C16orf74: variants seen among roughly 807,000 people sequenced by gnomAD.
C16orf74 encodes calcimembrin.
A neutral mutation model predicts 6.5 loss-of-function variants in C16orf74; 10 were observed. That is an observed-to-expected ratio of 1.54 (90% confidence interval 0.95 to 2.61). C16orf74 has a LOEUF of 2.61. Among genes scored for constraint, C16orf74 ranks in the 30% most tolerant of loss-of-function variants. The pLI is 0.00. For synonymous variants in C16orf74, 60 were observed against 42.5 expected (o/e 1.41, Z -1.60); for missense variants, 141 against 105.9 (o/e 1.33, Z -1.45).
intron 2 of C16orf74, among the ~76,000 whole-genome samples, chr16:85,718,760 T>C (rs940134070): frequency 7.2e-5 from 11 of 152,246 alleles, no homozygotes; most frequent in African/African-American, 2.7e-4. Context: ...GTCATTCAGA[T>C]CACGAGTTGA....
intron 1 of C16orf74, among the ~76,000 whole-genome samples, chr16:85,749,902 A>G (rs946070109): frequency 6.6e-6 from 1 of 152,164 alleles, no homozygotes; most frequent in Admixed American, 6.5e-5. Flanking sequence ...TGTTTCCATA[A>G]ATACACGGCC....
At chr16:85,731,228 G>A (rs1490050089) in intron 2 of C16orf74, among the ~76,000 whole-genome samples, 1 of 152,226 alleles carries the variant, frequency 6.6e-6, no homozygotes, top group African/African-American at 2.4e-5. Context: ...CCCTAAGGCA[G>A]GAACCACTGT....
chr16:85,723,089 T>C (rs576807267), intron 2 of C16orf74, among the ~76,000 whole-genome samples: 5 of 151,202 alleles, frequency 3.3e-5, no homozygotes, highest in Admixed American at 2.0e-4. Context: ...TGAAACCCTG[T>C]TTCTACTAAA....
At chr16:85,726,879 C>T (rs1355988080) in intron 2 of C16orf74, among the ~76,000 whole-genome samples, 4 of 152,186 alleles carry the variant, frequency 2.6e-5, no homozygotes, top group African/African-American at 9.7e-5. Context: ...CAGCCCGTGC[C>T]CATGAGTTTC....
rs767451411 is a variant in C16orf74, at chr16:85,735,226, C to A, written c.-9G>T. 6.3e-7 allele frequency: 1 copy of A among 1,594,936 alleles called. No individual in the cohort carries two copies. The highest frequency in any genetic ancestry group is 8.5e-7 in the Non-Finnish European group (1 of 1,170,592). ...GACATCTTAAGCCCCATGTCGGCAC[C>A]TCTGCAGGCCTGTGGAGAGAGGACA... On this transcript the variant is annotated 5_prime_UTR_variant, in exon 2 of 4. It adds an upstream start codon to the 5' untranslated region. Transcript: ENST00000284245.
rs910840864 is a variant in C16orf74 at position 85,735,125 on chromosome 16, C to T, written c.28+65G>A. ...GCAGAGGGCTTCAACTCCCCTCTCT[C>T]CTGCCCCCCAACCCAGCACCCCCTC... On this transcript the variant is annotated intron_variant, in intron 2 of 3. Coordinates refer to ENST00000284245, the MANE Select transcript of C16orf74 (RefSeq NM_206967.3). The T allele has an allele frequency of 3.0e-5, 44 of 1,486,484 alleles. 1 individual carries two copies. Among genetic ancestry groups the T allele is most frequent in the Non-Finnish European group, 3.8e-5 (41 of 1,084,006 alleles). The allele number at this position is 1,486,484 out of a possible 1,614,324, so 92.1% of individuals were successfully genotyped here. A position where few individuals can be genotyped will look rare whatever the true frequency, so the allele number is the denominator to read the frequency against.
At chr16:85,712,193 CCA>C (rs926586715) in intron 2 of C16orf74, among the ~76,000 whole-genome samples, 8 of 152,214 alleles carry the variant, frequency 5.3e-5, no homozygotes, top group African/African-American at 1.9e-4. Flanking sequence ...GCCTCCAGCC[CCA>C]GTCCAGCCAT....
chr16:85,734,516 G>C (rs1049509391), intron 2 of C16orf74, among the ~76,000 whole-genome samples: 1 of 152,204 alleles, frequency 6.6e-6, no homozygotes, highest in Non-Finnish European at 1.5e-5. Flanking sequence ...GGGACACCTG[G>C]AGCCAGAGGC....
chr16:85,713,201 T>A (rs954940617), intron 2 of C16orf74, among the ~76,000 whole-genome samples: 2 of 152,132 alleles, frequency 1.3e-5, no homozygotes, highest in African/African-American at 4.8e-5. Flanking sequence ...CCTAGGCTCG[T>A]AGAAGCCTCA....
chr16:85,715,767 A>G (rs622780), intron 2 of C16orf74, among the ~76,000 whole-genome samples: 150,701 of 152,278 alleles, frequency 0.99, 74,590 homozygotes, highest in East Asian at 1. Flanking sequence ...AGGGGAGCTG[A>G]GATCTAGGAC....
chr16:85,739,557 T>C (rs1197035318), intron 1 of C16orf74, among the ~76,000 whole-genome samples: 2 of 152,154 alleles, frequency 1.3e-5, no homozygotes, highest in African/African-American at 2.4e-5. Flanking sequence ...GACTGGGAGA[T>C]AGGAGAGCAT....
chr16:85,749,197 G>T (rs1038601865), intron 1 of C16orf74, among the ~76,000 whole-genome samples: 3 of 152,124 alleles, frequency 2.0e-5, no homozygotes, highest in South Asian at 4.1e-4. Flanking sequence ...CAGGGTTCCA[G>T]GCCTGGCCTT....
intron 2 of C16orf74, among the ~76,000 whole-genome samples, chr16:85,734,803 G>A (rs566199683): frequency 3.1e-4 from 47 of 152,256 alleles, no homozygotes; most frequent in Middle Eastern, 3.4e-3. Context: ...CCTACCACCT[G>A]GACGCTGGAC....
chr16:85,716,176 T>C (rs1398090142), intron 2 of C16orf74, among the ~76,000 whole-genome samples: 1 of 151,488 alleles, frequency 6.6e-6, no homozygotes, highest in East Asian at 2.0e-4. Context: ...GGACAAAACC[T>C]ACACATATAA....
chr16:85,736,153 A>G (rs1230794215), intron 1 of C16orf74, among the ~76,000 whole-genome samples: 1 of 152,146 alleles, frequency 6.6e-6, no homozygotes, highest in Non-Finnish European at 1.5e-5. Context: ...AGGCAGGAAC[A>G]GGTGGGGAGA....
At chr16:85,725,121 C>T (rs2152061399) in intron 2 of C16orf74, among the ~76,000 whole-genome samples, 1 of 152,334 alleles carries the variant, frequency 6.6e-6, no homozygotes, top group East Asian at 1.9e-4. Flanking sequence ...CCGCTCTGCC[C>T]TGGGCAGGGG....
chr16:85,709,796 G>T (rs565871263), intron 3 of C16orf74, among the ~76,000 whole-genome samples: 38 of 152,178 alleles, frequency 2.5e-4, no homozygotes, highest in African/African-American at 7.7e-4. Flanking sequence ...TGTCCTGTCC[G>T]GCCAAACTGC....
In C16orf74 at chr16:85,739,066, C is replaced by T. The variant is rs139783454; in HGVS notation, c.-18-3831G>A. 6.2e-4 allele frequency among the ~76,000 whole-genome samples: 94 copies of T among 152,290 alleles called. 3 individuals carry two copies. The East Asian group carries it at 0.017, about 28-fold the overall frequency. ...CAGAGCTTCCAGGAACAGGGGAGGG[C>T]GGAGCAGACCTCATCTCCATCCCTC... On this transcript the variant is annotated intron_variant, in intron 1 of 3. Coordinates refer to ENST00000284245, the MANE Select transcript of C16orf74 (RefSeq NM_206967.3).
intron 1 of C16orf74, among the ~76,000 whole-genome samples, chr16:85,743,030 C>G (rs188282476): frequency 6.6e-6 from 1 of 152,178 alleles, no homozygotes; most frequent in Non-Finnish European, 1.5e-5. Context: ...CCAGGGCACC[C>G]CCACTACGTG....
Sources: allele counts gnomAD v4.1 joint callset (sites outside exome capture counted in the v4.1 genomes callset), GRCh38; gene constraint gnomAD v4.1.1; transcripts MANE v1.5; gene names NCBI Gene and HGNC (gene_info 2026-07-23, HGNC 2026-07-21).